CDH8: variants seen among roughly 807,000 people sequenced by gnomAD.
CDH8 encodes cadherin 8.
In CDH8, 17 loss-of-function variants were observed where a neutral mutation model predicts 68.1. That is an observed-to-expected ratio of 0.25 (90% CI 0.17 to 0.37). The LOEUF is 0.37. Among genes scored for constraint, CDH8 ranks in the 10% least tolerant of loss-of-function variants. The pLI is 1.00. For missense variants in CDH8, 763 were observed against 999.3 expected, an observed-to-expected ratio of 0.76 and a Z score of 3.19; for synonymous variants, 372 against 365.1, an observed-to-expected ratio of 1.02 and a Z score of -0.21.
intron 7 of CDH8, among the ~76,000 whole-genome samples, chr16:61,801,550 G>C (rs957594184): frequency 6.6e-6 from 1 of 152,202 alleles, no homozygotes; most frequent in Non-Finnish European, 1.5e-5. Flanking sequence ...TTCCATCTGA[G>C]GTACCGGGTT....
chr16:61,709,878 C>T (rs1204899472), intron 10 of CDH8, among the ~76,000 whole-genome samples: 1 of 152,102 alleles, frequency 6.6e-6, no homozygotes, highest in Admixed American at 6.6e-5. Context: ...GAATGCAATA[C>T]ATTGCAGTTA....
intron 2 of CDH8, among the ~76,000 whole-genome samples, chr16:61,926,602 C>G (rs1269122699): frequency 6.6e-6 from 1 of 152,176 alleles, no homozygotes; most frequent in Non-Finnish European, 1.5e-5. Flanking sequence ...CACAAACAAC[C>G]CAGCATTTAA....
chr16:61,668,851 A>C (rs1056139332), intron 10 of CDH8, among the ~76,000 whole-genome samples: 3 of 152,056 alleles, frequency 2.0e-5, no homozygotes, highest in African/African-American at 7.2e-5. Flanking sequence ...AACTGGAAAA[A>C]GACAGATTAA....
intron 4 of CDH8, among the ~76,000 whole-genome samples, chr16:61,838,561 TGAG>T (rs1962616332): frequency 6.6e-6 from 1 of 152,110 alleles, no homozygotes; most frequent in Non-Finnish European, 1.5e-5. Flanking sequence ...TTACAGAACC[TGAG>T]GTTAATTTGT....
chr16:61,793,048 A>C (rs1264859410), intron 7 of CDH8, among the ~76,000 whole-genome samples: 2 of 151,858 alleles, frequency 1.3e-5, no homozygotes. Context: ...GGTGATTAGG[A>C]TGTGAAGCCC....
intron 2 of CDH8, among the ~76,000 whole-genome samples, chr16:61,908,955 A>G (rs1448901002): frequency 6.6e-6 from 1 of 152,180 alleles, no homozygotes; most frequent in Non-Finnish European, 1.5e-5. Flanking sequence ...TGTGAAATAA[A>G]AACACTTCTC....
chr16:61,863,210 G>A (rs1963185828), intron 3 of CDH8, among the ~76,000 whole-genome samples: 1 of 151,980 alleles, frequency 6.6e-6, no homozygotes, highest in African/African-American at 2.4e-5. Flanking sequence ...TCGTTTAAGT[G>A]AAATTTGCCA....
At chr16:61,797,388 C>T (rs2142995991) in intron 7 of CDH8, among the ~76,000 whole-genome samples, 1 of 152,164 alleles carries the variant, frequency 6.6e-6, no homozygotes, top group Non-Finnish European at 1.5e-5. Context: ...TACACAGCAG[C>T]CATACAGGTT....
intron 3 of CDH8, among the ~76,000 whole-genome samples, chr16:61,899,985 T>A (rs1238278467): frequency 2.0e-5 from 3 of 152,172 alleles, no homozygotes; most frequent in Non-Finnish European, 4.4e-5. Flanking sequence ...AATCAATACT[T>A]GGCCTTTATT....
rs370404918 is a variant in CDH8 at position 61,975,154 on chromosome 16, C to A, written c.252+45998G>T. 4.7e-4 allele frequency among the ~76,000 whole-genome samples: 71 copies of A among 152,162 alleles called. 1 individual carries two copies. The South Asian group carries it at 0.015, about 32-fold the overall frequency. On this transcript the variant is annotated intron_variant, in intron 2 of 11. Transcript: ENST00000577390. ...GACAGTCTCAAGAAGCCATAAATCT[C>A]CTTGTCTTCCTTTACATCATCAAGG... is the stretch of plus-strand genomic sequence containing the variant.
At chr16:61,666,178 C>CTGTGTGTGTGTGTGTG (rs370163800) in intron 10 of CDH8, among the ~76,000 whole-genome samples, 3 of 144,098 alleles carry the variant, frequency 2.1e-5, no homozygotes, top group Admixed American at 7.0e-5. Context: ...AGCACATACT[C>CTGTGTGTGTGTGTGTG]TGTGTGTGTG....
Position 61,901,398 on chromosome 16 carries a change from G to T in CDH8, c.328C>A (p.Gln110Lys), listed in dbSNP as rs267604590. Residue 110 changes from glutamine (Q) to lysine (K), a missense_variant, in exon 3 of 12, where the codon CAA becomes AAA. Around this residue, in one of 2 missense-constraint regions of CDH8, gnomAD observed 366 missense variants for 563.1 expected, o/e 0.65. Transcript: ENST00000577390. The part of the protein sequence containing the change: ...LSGDGAGTIF[Q>K]INDVTGDIHA... ...ATATCTCCAGTTACATCATTTATTT[G>T]AAATATGGTCCCAGCTCCATCACCT... 6.2e-7 allele frequency: 1 copy of T among 1,613,672 alleles called. No homozygotes were observed. The highest frequency in any genetic ancestry group is 1.3e-5 in the African/African-American group (1 of 74,862).
chr16:62,022,534 G>A (rs1420835556), intron 1 of CDH8, among the ~76,000 whole-genome samples: 1 of 152,054 alleles, frequency 6.6e-6, no homozygotes. Flanking sequence ...GGCAAAATGT[G>A]TTTCTTTACT....
At chr16:61,908,900 A>T (rs1171152614) in intron 2 of CDH8, among the ~76,000 whole-genome samples, 1 of 152,226 alleles carries the variant, frequency 6.6e-6, no homozygotes, top group Non-Finnish European at 1.5e-5. Context: ...AGTTTGGAAT[A>T]TGCAATGACC....
intron 2 of CDH8, among the ~76,000 whole-genome samples, chr16:62,002,193 G>GA (rs1555528643): frequency 6.6e-6 from 1 of 151,840 alleles, no homozygotes. Context: ...TATTGATTTT[G>GA]AAAAAAAGAA....
intron 2 of CDH8, among the ~76,000 whole-genome samples, chr16:62,019,117 A>G (rs1197188200): frequency 1.3e-5 from 2 of 152,230 alleles, no homozygotes; most frequent in Non-Finnish European, 2.9e-5. Flanking sequence ...AGCATCCACT[A>G]TGTAAATATG....
chr16:61,669,480 T>C (rs1353393088), intron 10 of CDH8, among the ~76,000 whole-genome samples: 1 of 152,070 alleles, frequency 6.6e-6, no homozygotes, highest in Non-Finnish European at 1.5e-5. Context: ...TATGTGTCAC[T>C]ATAAAGAAAT....
At chr16:61,769,545 C>CA (rs927149470) in intron 8 of CDH8, among the ~76,000 whole-genome samples, 320 of 137,028 alleles carry the variant, frequency 2.3e-3, no homozygotes, top group Middle Eastern at 3.6e-3. Context: ...AATAGAAATG[C>CA]AAAAAAAAAA....
At position 62,025,393 on chromosome 16, in the gene CDH8, T is replaced by G. The variant is rs573265924; in HGVS notation, c.-199-3791A>C. Among the ~76,000 whole-genome samples the G allele has an allele frequency of 2.6e-5, 4 of 152,228 alleles. No homozygotes were observed. In the South Asian group the frequency reaches 8.3e-4, roughly 32 times the overall value. On this transcript the variant is annotated intron_variant, in intron 1 of 11. Transcript: ENST00000577390. ...TTCTTTGTGAAGAGAAGAGCATGTT[T>G]GATTTCTCCAAAGGTCTAGCCATAT... is the stretch of plus-strand genomic sequence containing the variant.
Sources: gnomAD v4.1 joint callset for allele counts (sites outside exome capture counted in the v4.1 genomes callset) on GRCh38, gnomAD v4.1.1 for gene constraint, gnomAD v4.1.1 regional missense constraint, MANE v1.5 for transcripts, NCBI Gene and HGNC (gene_info 2026-07-23, HGNC 2026-07-21) for gene names.